The following CRYBG1 variants were observed in gnomAD, a reference collection of about 807,000 sequenced individuals.
CRYBG1 encodes the protein crystallin beta-gamma domain containing 1.
Under a neutral mutation model 189.2 loss-of-function variants are expected in CRYBG1, and 139 were observed. The observed-to-expected ratio is 0.73, with a 90% CI of 0.64 to 0.85. The LOEUF (loss-of-function observed/expected upper bound fraction) is 0.85, where lower values mean the gene tolerates loss of function less well. Ranked by LOEUF, CRYBG1 falls within the 40% of genes least tolerant of loss-of-function variation. The pLI, the probability that CRYBG1 is intolerant of heterozygous loss-of-function variation, is 0.00. For missense variants in CRYBG1, 2,611 were observed against 2,675.8 expected (o/e 0.98, Z 0.53); for synonymous variants, 1,023 against 1,017.1 (o/e 1.01, Z -0.11).
intron 1 of CRYBG1, among the ~76,000 whole-genome samples, chr6:106,395,406 T>C (rs1202691970): frequency 6.6e-6 from 1 of 152,022 alleles, no homozygotes; most frequent in Non-Finnish European, 1.5e-5. Flanking sequence ...TATGCCATTA[T>C]TTTTGTAGCT....
intron 1 of CRYBG1, among the ~76,000 whole-genome samples, chr6:106,420,092 T>C (rs1217912285): frequency 2.6e-5 from 4 of 152,190 alleles, no homozygotes; most frequent in African/African-American, 9.7e-5. Context: ...ATTTTGTACA[T>C]TTTGATATCA....
rs34773477 is a variant in CRYBG1 at position 106,566,464 on chromosome 6, C to CTTTTTTTTTTT, written c.6302-1993_6302-1983dup. On this transcript the variant is annotated intron_variant, in intron 21 of 21. Coordinates refer to ENST00000633556, the MANE Select transcript of CRYBG1 (RefSeq NM_001371242.2). ...TATCTAGCACGGTAGCAACAACAGT[C>CTTTTTTTTTTT]TTTTTTTTTTTTTTTTTTTTTTTTT... 3.7e-3 allele frequency among the ~76,000 whole-genome samples: 263 copies of CTTTTTTTTTTT among 71,670 alleles called. 32 individuals carry two copies. Among genetic ancestry groups the CTTTTTTTTTTT allele is most frequent in the Non-Finnish European group, 4.4e-3 (191 of 43,644 alleles). The allele number at this position is 71,670 out of a possible 152,430, so 47.0% of individuals were successfully genotyped here.
rs369168172 is a variant in CRYBG1 at position 106,424,651 on chromosome 6, G to A, written c.174-27043G>A. Among the ~76,000 whole-genome samples, 331 of 152,018 alleles carry A rather than the reference G, an allele frequency of 2.2e-3. 2 individuals carry two copies. The highest frequency in any genetic ancestry group is 3.9e-3 in the African/African-American group (161 of 41,432). Reference sequence around the variant, plus strand: ...TAATTTTTGTATTATTAGTAGAGACGGGGTTTCACCATGTTTGCCAGGCTG... The same window carrying A: ...TAATTTTTGTATTATTAGTAGAGACAGGGTTTCACCATGTTTGCCAGGCTG... On this transcript the variant is annotated intron_variant, in intron 1 of 21. Transcript: ENST00000633556.
At chr6:106,521,525 C>T (rs1216415179) in intron 4 of CRYBG1, 72 bp downstream of exon 4, 1 of 1,427,410 alleles carries the variant, frequency 7.0e-7, no homozygotes, top group African/African-American at 1.4e-5. Flanking sequence ...ATGAGCAACT[C>T]ATGTTATTCT....
intron 8 of CRYBG1, among the ~76,000 whole-genome samples, chr6:106,533,963 G>T (rs948828281): frequency 5.9e-5 from 9 of 152,136 alleles, no homozygotes; most frequent in Non-Finnish European, 1.3e-4. Context: ...GGAAGAGAAG[G>T]CACTTTTGTA....
intron 2 of CRYBG1, among the ~76,000 whole-genome samples, chr6:106,454,052 C>A (rs1771836391): frequency 6.6e-6 from 1 of 152,174 alleles, no homozygotes; most frequent in African/African-American, 2.4e-5. Context: ...ACACCCTCCA[C>A]CTCAGAGAGG....
chr6:106,477,781 A>C (rs183988381), intron 2 of CRYBG1, among the ~76,000 whole-genome samples: 2 of 152,316 alleles, frequency 1.3e-5, no homozygotes, highest in Admixed American at 1.3e-4. Flanking sequence ...TTCCTGAATT[A>C]TCTCTCTGTT....
In CRYBG1 at chr6:106,521,512, A is replaced by G. The variant is rs1773611817; in HGVS notation, c.4245+59A>G. 5 of 1,467,186 alleles carry G rather than the reference A, an allele frequency of 3.4e-6. No individual in the cohort carries two copies. In the East Asian group the frequency reaches 6.8e-5, roughly 20 times the overall value. 90.9% of individuals were successfully genotyped at this position (1,467,186 alleles called of 1,614,324 possible). On this transcript the variant is annotated intron_variant, in intron 4 of 21. Coordinates refer to ENST00000633556, the MANE Select transcript of CRYBG1 (RefSeq NM_001371242.2). ...ATTTTTAAAGCAAGGGAAGAGAAGGATGATGAGCAACTCATGTTATTCTTT... is the reference window on the plus strand; with the variant it reads ...ATTTTTAAAGCAAGGGAAGAGAAGGGTGATGAGCAACTCATGTTATTCTTT...
intron 1 of CRYBG1, among the ~76,000 whole-genome samples, chr6:106,366,487 A>G (rs918384418): frequency 2.0e-5 from 3 of 152,156 alleles, no homozygotes; most frequent in Non-Finnish European, 4.4e-5. Flanking sequence ...TGAGAGTTAT[A>G]AATATATATT....
intron 1 of CRYBG1, among the ~76,000 whole-genome samples, chr6:106,448,442 A>T (rs1350840491): frequency 6.6e-6 from 1 of 152,186 alleles, no homozygotes; most frequent in Admixed American, 6.5e-5. Flanking sequence ...CCCCAGGGCC[A>T]TGTGTACCCT....
chr6:106,496,136 A>G (rs895662554), intron 2 of CRYBG1, among the ~76,000 whole-genome samples: 5 of 152,230 alleles, frequency 3.3e-5, no homozygotes, highest in Non-Finnish European at 5.9e-5. Flanking sequence ...AATTTATTGG[A>G]GACACTGGGC....
chr6:106,391,927 ACGTGTGTGTG>A (rs1303111672), intron 1 of CRYBG1, among the ~76,000 whole-genome samples: 6 of 130,206 alleles, frequency 4.6e-5, no homozygotes, highest in East Asian at 2.3e-4. Flanking sequence ...GTTGTTTAAA[ACGTGTGTGTG>A]TGTGTGTGTG....
chr6:106,546,620 G>A (rs560764210), intron 13 of CRYBG1, among the ~76,000 whole-genome samples: 5 of 152,292 alleles, frequency 3.3e-5, no homozygotes, highest in Admixed American at 6.5e-5. Context: ...AGTGATTTCC[G>A]GGTATTCCAT....
chr6:106,522,329 A>G (rs1773629332), intron 4 of CRYBG1, among the ~76,000 whole-genome samples: 1 of 149,408 alleles, frequency 6.7e-6, no homozygotes, highest in Admixed American at 6.7e-5. Flanking sequence ...TTTATTGGGA[A>G]TTAGTTTTCA....
chr6:106,468,213 C>T (rs561862662), intron 2 of CRYBG1, among the ~76,000 whole-genome samples: 11 of 152,230 alleles, frequency 7.2e-5, no homozygotes, highest in Admixed American at 2.0e-4. Context: ...TTGACAGTTT[C>T]GGGAGTCGAG....
At chr6:106,462,515 A>C (rs762787013) in intron 2 of CRYBG1, among the ~76,000 whole-genome samples, 11 of 152,252 alleles carry the variant, frequency 7.2e-5, no homozygotes, top group Non-Finnish European at 1.5e-4. Flanking sequence ...TAGCAAAGTA[A>C]GTAAAAGTAG....
chr6:106,477,474 C>T (rs1372694862), intron 2 of CRYBG1, among the ~76,000 whole-genome samples: 1 of 152,174 alleles, frequency 6.6e-6, no homozygotes, highest in African/African-American at 2.4e-5. Context: ...AGCAATGCAT[C>T]AGGGTTTTTA....
chr6:106,376,774 A>T (rs568070861), intron 1 of CRYBG1, among the ~76,000 whole-genome samples: 1 of 152,296 alleles, frequency 6.6e-6, no homozygotes, highest in African/African-American at 2.4e-5. Flanking sequence ...TGTGTGTACC[A>T]TCGGTTCTCT....
intron 1 of CRYBG1, among the ~76,000 whole-genome samples, chr6:106,450,411 G>C (rs1178422139): frequency 6.6e-6 from 1 of 152,090 alleles, no homozygotes; most frequent in Non-Finnish European, 1.5e-5. Flanking sequence ...AAATGCTGAG[G>C]TCTTGCATTT....
Sources: allele counts gnomAD v4.1 joint callset (sites outside exome capture counted in the v4.1 genomes callset), GRCh38; gene constraint gnomAD v4.1.1; transcripts MANE v1.5; gene names NCBI Gene and HGNC (gene_info 2026-07-23, HGNC 2026-07-21).